The following ARHGAP26 variants were observed in gnomAD, a reference collection of about 807,000 sequenced individuals.
ARHGAP26 encodes Rho GTPase activating protein 26.
ARHGAP26 carries 38 observed loss-of-function variants against 104.8 expected under a neutral mutation model. The observed-to-expected ratio is 0.36, with a 90% CI of 0.28 to 0.48. ARHGAP26 has a LOEUF of 0.48. ARHGAP26 is among the 20% of genes least tolerant of loss of function. The probability of loss-of-function intolerance (pLI) is 0.99; values close to 1 mark genes in which losing one functional copy is unlikely to be tolerated. For synonymous variants in ARHGAP26, 341 were observed against 340.0 expected, an observed-to-expected ratio of 1.00 and a Z score of -0.03; for missense variants, 704 against 947.9, an observed-to-expected ratio of 0.74 and a Z score of 3.38.
chr5:142,929,056 G>A (rs1466580365), intron 10 of ARHGAP26, among the ~76,000 whole-genome samples: 2 of 152,174 alleles, frequency 1.3e-5, no homozygotes, highest in East Asian at 3.9e-4. Context: ...TCCTGCGTCA[G>A]CCTCCCGAGT....
Position 142,875,187 on chromosome 5 carries a change from C to T in ARHGAP26, c.312+16C>T. On this transcript the variant is annotated intron_variant, in intron 3 of 22. Transcript: ENST00000645722. ...GATACGGATGGTGAGTAGGGCTGGG[C>T]TACTCTTGGTCCCAGATAGTATATT... 2 of 1,613,512 alleles carry T rather than the reference C, an allele frequency of 1.2e-6. No individual in the cohort carries two copies. Among genetic ancestry groups the T allele is most frequent in the East Asian group, 2.2e-5 (1 of 44,878 alleles).
chr5:143,106,247 G>A (rs1793998989), intron 17 of ARHGAP26, among the ~76,000 whole-genome samples: 1 of 152,130 alleles, frequency 6.6e-6, no homozygotes, highest in African/African-American at 2.4e-5. Context: ...GGATCTATTA[G>A]TGACATGTTT....
chr5:143,051,838 A>G (rs1472783380), intron 14 of ARHGAP26, among the ~76,000 whole-genome samples: 5 of 152,202 alleles, frequency 3.3e-5, no homozygotes, highest in African/African-American at 1.2e-4. Context: ...CAGACTTGCC[A>G]ACTGCTGCTT....
intron 17 of ARHGAP26, among the ~76,000 whole-genome samples, chr5:143,093,155 T>A (rs11952702): frequency 4.6e-5 from 7 of 152,332 alleles, no homozygotes; most frequent in Non-Finnish European, 8.8e-5. Context: ...TGCTTTTTTT[T>A]TTTTTGGACT....
At chr5:143,056,316 C>CTTTTT (rs10672936) in intron 16 of ARHGAP26, among the ~76,000 whole-genome samples, 14 of 80,084 alleles carry the variant, frequency 1.7e-4, no homozygotes, top group South Asian at 6.1e-4. Context: ...CTTCAGAAGT[C>CTTTTT]TTTTTTTTTT....
chr5:142,824,489 A>G (rs1196108397), intron 1 of ARHGAP26, among the ~76,000 whole-genome samples: 1 of 152,174 alleles, frequency 6.6e-6, no homozygotes, highest in Non-Finnish European at 1.5e-5. Flanking sequence ...CAGCTGTATA[A>G]GCTCCAGAGT....
chr5:143,207,537 G>C, intron 21 of ARHGAP26: 1 of 1,575,872 alleles, frequency 6.3e-7, no homozygotes, highest in Non-Finnish European at 8.7e-7. Flanking sequence ...GACAACAGGG[G>C]GCTGCCCCTG....
At chr5:142,775,159 G>GT (rs1756049260) in intron 1 of ARHGAP26, among the ~76,000 whole-genome samples, 3 of 151,820 alleles carry the variant, frequency 2.0e-5, no homozygotes, top group African/African-American at 7.2e-5. Context: ...AGTACGTGTA[G>GT]TTTTTTTTAA....
At chr5:143,103,168 T>G in intron 17 of ARHGAP26, 14 of 915,732 alleles carry the variant, frequency 1.5e-5, no homozygotes, top group Non-Finnish European at 1.8e-5. Context: ...TTACCTGTTC[T>G]TTTGATTTGC....
chr5:143,184,231 C>T (rs184363078), intron 20 of ARHGAP26, among the ~76,000 whole-genome samples: 1 of 152,332 alleles, frequency 6.6e-6, no homozygotes, highest in East Asian at 1.9e-4. Flanking sequence ...CTGTCCCTTC[C>T]TGCCCATTAG....
intron 20 of ARHGAP26, among the ~76,000 whole-genome samples, chr5:143,162,374 G>T (rs952932506): frequency 6.6e-6 from 1 of 151,846 alleles, no homozygotes; most frequent in Non-Finnish European, 1.5e-5. Flanking sequence ...GAGGAAATAT[G>T]TCCTTAGTCA....
chr5:143,204,569 A>G (rs1808270845), intron 20 of ARHGAP26, among the ~76,000 whole-genome samples: 1 of 152,158 alleles, frequency 6.6e-6, no homozygotes, highest in African/African-American at 2.4e-5. Flanking sequence ...TGACATGGGG[A>G]TTGAGGAGTA....
chr5:143,036,423 T>C (rs919938778), intron 12 of ARHGAP26, among the ~76,000 whole-genome samples: 1 of 152,186 alleles, frequency 6.6e-6, no homozygotes, highest in Non-Finnish European at 1.5e-5. Flanking sequence ...TGGGTGAGAA[T>C]CCTGTCACCA....
At chr5:143,003,924 G>T (rs1333155109) in intron 11 of ARHGAP26, among the ~76,000 whole-genome samples, 1 of 149,686 alleles carries the variant, frequency 6.7e-6, no homozygotes, top group African/African-American at 2.5e-5. Context: ...GTTTAATTGA[G>T]CTATGAACAA....
chr5:142,818,931 T>C (rs1765611705), intron 1 of ARHGAP26, among the ~76,000 whole-genome samples: 1 of 152,062 alleles, frequency 6.6e-6, no homozygotes, highest in South Asian at 2.1e-4. Context: ...GGGGTATATC[T>C]GGGAAGGGTG....
intron 10 of ARHGAP26, among the ~76,000 whole-genome samples, chr5:142,922,732 C>T (rs1373204357): frequency 6.6e-6 from 1 of 152,180 alleles, no homozygotes; most frequent in African/African-American, 2.4e-5. Context: ...GTGCTGAGAA[C>T]CTGGCAGTCC....
At chr5:142,789,593 T>C (rs1158704418) in intron 1 of ARHGAP26, among the ~76,000 whole-genome samples, 1 of 152,218 alleles carries the variant, frequency 6.6e-6, no homozygotes, top group Non-Finnish European at 1.5e-5. Context: ...TAAGTATCTG[T>C]TGTAGTACTT....
At chr5:142,976,735 G>A (rs527366773) in intron 11 of ARHGAP26, among the ~76,000 whole-genome samples, 1 of 152,206 alleles carries the variant, frequency 6.6e-6, no homozygotes, top group Admixed American at 6.5e-5. Context: ...CTGGTTCCCT[G>A]TAGGTGGAAT....
At chr5:143,220,867 C>T (rs1484949809) in intron 22 of ARHGAP26, among the ~76,000 whole-genome samples, 1 of 151,946 alleles carries the variant, frequency 6.6e-6, no homozygotes, top group Non-Finnish European at 1.5e-5. Context: ...CCATTTGTCT[C>T]CTTTGGTTTC....
Sources: allele counts gnomAD v4.1 joint callset (sites outside exome capture counted in the v4.1 genomes callset), GRCh38; gene constraint gnomAD v4.1.1; transcripts MANE v1.5; gene names NCBI Gene and HGNC (gene_info 2026-07-23, HGNC 2026-07-21).